PDS5A: variants seen among roughly 807,000 people sequenced by gnomAD.
PDS5A encodes the protein PDS5 cohesin associated factor A.
PDS5A carries 42 observed loss-of-function variants against 167.1 expected under a neutral mutation model. The ratio of observed to expected loss-of-function variants is 0.25; its 90% CI spans 0.20 to 0.33. The LOEUF (loss-of-function observed/expected upper bound fraction) is 0.33. Ranked by LOEUF, PDS5A falls within the 10% of genes least tolerant of loss-of-function variation. PDS5A has a pLI of 1.00. For missense variants in PDS5A, 1,033 were observed against 1,605.9 expected, an observed-to-expected ratio of 0.64 and a Z score of 6.10; for synonymous variants, 553 against 554.6, an observed-to-expected ratio of 1.00 and a Z score of 0.04.
intron 32 of PDS5A, among the ~76,000 whole-genome samples, chr4:39,826,181 C>T (rs984601529): frequency 5.7e-5 from 7 of 123,002 alleles, no homozygotes; most frequent in Admixed American, 2.4e-4. Flanking sequence ...ACCAAACTGG[C>T]GTGTTTTTTT....
intron 2 of PDS5A, among the ~76,000 whole-genome samples, chr4:39,929,619 G>A (rs1725824621): frequency 6.8e-6 from 1 of 146,778 alleles, no homozygotes; most frequent in Admixed American, 6.9e-5. Context: ...GTGTGTGTGT[G>A]TGTGTGTGTG....
intron 32 of PDS5A, among the ~76,000 whole-genome samples, chr4:39,834,395 T>C (rs1716202333): frequency 6.6e-6 from 1 of 152,168 alleles, no homozygotes; most frequent in Non-Finnish European, 1.5e-5. Flanking sequence ...GAAAAATGCC[T>C]GGGAAAGCTT....
chr4:39,948,210 C>CAAAAAAAAAAAAAAAAAAAA (rs35177594), intron 2 of PDS5A, among the ~76,000 whole-genome samples: 3 of 96,452 alleles, frequency 3.1e-5, no homozygotes, highest in Non-Finnish European at 6.1e-5. Flanking sequence ...TATCCCGTCT[C>CAAAAAAAAAAAAAAAAAAAA]AAAAAAAAAA....
intron 2 of PDS5A, among the ~76,000 whole-genome samples, chr4:39,969,724 T>C (rs929393248): frequency 9.2e-5 from 14 of 151,938 alleles, no homozygotes; most frequent in African/African-American, 3.4e-4. Context: ...TCCTTTACTT[T>C]CAAAAATAAA....
Position 39,909,327 on chromosome 4 carries a change from G to A in PDS5A, c.1088-787C>T, listed in dbSNP as rs187813738. 4.6e-5 allele frequency among the ~76,000 whole-genome samples: 7 copies of A among 152,192 alleles called. No homozygotes were observed. In the East Asian group the frequency reaches 1.2e-3, roughly 25 times the overall value. On this transcript the variant is annotated intron_variant, in intron 10 of 32. Coordinates refer to ENST00000303538, the MANE Select transcript of PDS5A (RefSeq NM_001100399.2). ...TTTAGTAGAGATGGGGTTTCACCAT[G>A]TTGGCCAGGCTAGTCTTGACCTCCT...
intron 20 of PDS5A, among the ~76,000 whole-genome samples, chr4:39,873,690 T>A (rs1246248690): frequency 6.6e-6 from 1 of 152,198 alleles, no homozygotes; most frequent in Admixed American, 6.5e-5. Flanking sequence ...CTACTAATAC[T>A]TTCCGAGGAT....
At chr4:39,901,266 C>CTTTCT (rs1439689670) in intron 13 of PDS5A, among the ~76,000 whole-genome samples, 7 of 121,288 alleles carry the variant, frequency 5.8e-5, no homozygotes, top group African/African-American at 1.9e-4. Context: ...TCTTTTCTTT[C>CTTTCT]TTTTTTTTTT....
intron 10 of PDS5A, among the ~76,000 whole-genome samples, chr4:39,909,302 T>C (rs1560474546): frequency 6.6e-6 from 1 of 152,138 alleles, no homozygotes; most frequent in East Asian, 1.9e-4. Flanking sequence ...TTTTTGTATT[T>C]TTAGTAGAGA....
intron 6 of PDS5A, 142 bp downstream of exon 6, chr4:39,922,480 A>C: frequency 6.7e-6 from 4 of 593,054 alleles, no homozygotes; most frequent in Non-Finnish European, 7.8e-6. Flanking sequence ...CCACAAGACT[A>C]ATGCATGTTA....
chr4:39,930,246 A>AAATTTTTTTTT, intron 2 of PDS5A, among the ~76,000 whole-genome samples: 5 of 93,082 alleles, frequency 5.4e-5, no homozygotes, highest in Non-Finnish European at 9.0e-5. Context: ...AAAAAAAAAA[A>AAATTTTTTTTT]GTTTTTTTGT....
chr4:39,954,128 C>T (rs1407863050), intron 2 of PDS5A, among the ~76,000 whole-genome samples: 2 of 151,882 alleles, frequency 1.3e-5, no homozygotes, highest in African/African-American at 4.8e-5. Context: ...ACTGCTAGAG[C>T]CTAGGAGTTT....
chr4:39,921,113 C>T (rs746652839), intron 6 of PDS5A, among the ~76,000 whole-genome samples: 1 of 152,204 alleles, frequency 6.6e-6, no homozygotes, highest in Non-Finnish European at 1.5e-5. Flanking sequence ...AAACCCTACA[C>T]TCTAGGCCAG....
chr4:39,900,499 T>C lies in PDS5A; in HGVS notation c.1508A>G (p.Asn503Ser). 6.4e-7 allele frequency: 1 copy of C among 1,570,612 alleles called. No homozygotes were observed. Among genetic ancestry groups the C allele is most frequent in the Non-Finnish European group, 8.7e-7 (1 of 1,154,138 alleles). ...CATGTTCTGACACTTCCACATTTCG[T>C]TGAGAGCTCTGTAAAGTTATGAATA... is the stretch of plus-strand genomic sequence containing the variant. ...SLDPNAVKAL[N>S]EMWKCQNMLR... Residue 503 changes from asparagine to serine, a missense_variant, in exon 14 of 33, where the codon AAC becomes AGC. Around this residue, in one of 4 missense-constraint regions of PDS5A, gnomAD observed 388 missense variants for 615.1 expected, o/e 0.63. Transcript: ENST00000303538.
intron 9 of PDS5A, among the ~76,000 whole-genome samples, chr4:39,911,412 T>A (rs935118781): frequency 6.9e-6 from 1 of 145,506 alleles, no homozygotes; most frequent in South Asian, 2.2e-4. Context: ...AAAAAAAAAA[T>A]TTGTGTTGCA....
At chr4:39,961,404 G>A (rs894999286) in intron 2 of PDS5A, among the ~76,000 whole-genome samples, 19 of 151,874 alleles carry the variant, frequency 1.3e-4, no homozygotes, top group African/African-American at 2.7e-4. Context: ...GCTGGGAGGC[G>A]CCCGCCACCA....
chr4:39,841,858 T>C lies in PDS5A; in HGVS notation c.3657+90A>G, dbSNP rs113515300. The stretch of plus-strand genomic sequence containing the variant: ...ACAAGTTTAAAATGTAGCATGTGCA[T>C]TGAAGTGTTGGCTGTAGATTTCTTA... On this transcript the variant is annotated intron_variant, in intron 31 of 32. Coordinates refer to ENST00000303538, the MANE Select transcript of PDS5A (RefSeq NM_001100399.2). 439 of 701,446 alleles carry C rather than the reference T, an allele frequency of 6.3e-4. 1 individual carries two copies. In the Middle Eastern group the frequency reaches 0.011, roughly 18 times the overall value. The allele number at this position is 701,446 out of a possible 1,614,324, so 43.5% of individuals were successfully genotyped here. A position where few individuals can be genotyped will look rare whatever the true frequency, so the allele number is the denominator to read the frequency against.
chr4:39,945,082 G>T (rs897750647), intron 2 of PDS5A, among the ~76,000 whole-genome samples: 1 of 152,030 alleles, frequency 6.6e-6, no homozygotes, highest in African/African-American at 2.4e-5. Flanking sequence ...GTAATACAAT[G>T]ATATCTATGA....
chr4:39,858,211 A>T (rs1287924239), intron 26 of PDS5A, among the ~76,000 whole-genome samples: 2 of 152,194 alleles, frequency 1.3e-5, no homozygotes, highest in African/African-American at 4.8e-5. Context: ...GTACAATGGA[A>T]TTTTTTAGAA....
intron 2 of PDS5A, among the ~76,000 whole-genome samples, chr4:39,956,377 C>T (rs1158432848): frequency 6.6e-6 from 1 of 151,190 alleles, no homozygotes; most frequent in East Asian, 2.0e-4. Context: ...CCTGTAGTCC[C>T]AGCTACTTGG....
Sources: gnomAD v4.1 joint callset for allele counts (sites outside exome capture counted in the v4.1 genomes callset) on GRCh38, gnomAD v4.1.1 for gene constraint, gnomAD v4.1.1 regional missense constraint, MANE v1.5 for transcripts, NCBI Gene and HGNC (gene_info 2026-07-23, HGNC 2026-07-21) for gene names.